The following CPE variants were observed in gnomAD, a reference collection of about 807,000 sequenced individuals.
CPE encodes the protein carboxypeptidase E.
In CPE, 17 loss-of-function variants were observed where a neutral mutation model predicts 53.5. The observed-to-expected ratio is 0.32, with a 90% CI of 0.22 to 0.48. The LOEUF (loss-of-function observed/expected upper bound fraction) is 0.48, where lower values mean the gene tolerates loss of function less well. Ranked by LOEUF, CPE falls within the 20% of genes least tolerant of loss-of-function variation. The pLI, the probability that CPE is intolerant of heterozygous loss-of-function variation, is 0.99. For synonymous variants in CPE, 226 were observed against 228.8 expected (o/e 0.99, Z 0.11); for missense variants, 524 against 614.7 (o/e 0.85, Z 1.56).
intron 1 of CPE, among the ~76,000 whole-genome samples, chr4:165,453,161 T>C (rs1018661964): frequency 1.3e-5 from 2 of 151,954 alleles, no homozygotes; most frequent in Non-Finnish European, 1.5e-5. Context: ...GGTTTTACCA[T>C]GTTGGTCAGG....
At chr4:165,467,492 C>T (rs28531383) in intron 2 of CPE, among the ~76,000 whole-genome samples, 196 bp from the exon 3 acceptor site, 112 of 152,090 alleles carry the variant, frequency 7.4e-4, no homozygotes, top group African/African-American at 2.3e-3. Context: ...TGTCATTATG[C>T]GGCCCATCAC....
At chr4:165,432,300 T>TTG (rs1293269408) in intron 1 of CPE, among the ~76,000 whole-genome samples, 5 of 151,966 alleles carry the variant, frequency 3.3e-5, no homozygotes, top group African/African-American at 4.8e-5. Flanking sequence ...AAAATCATTT[T>TTG]TGTGTGTGTG....
chr4:165,487,455 T>C lies in CPE; in HGVS notation c.991T>C (p.Tyr331His). The change falls in exon 6 of 9, where the codon TAC (tyrosine) becomes CAC (histidine). Residue 331 changes from tyrosine (Y) to histidine (H), a missense_variant. Transcript: ENST00000402744. The part of the protein sequence containing the change: ...SVPGGMQDFN[Y>H]LSSNCFEITV... ...TTTGGCAGGGATGCAAGACTTCAAT[T>C]ACCTTAGCAGCAACTGTTTTGAGAT... 3 of 1,614,030 alleles carry C rather than the reference T, an allele frequency of 1.9e-6. No individual in the cohort carries two copies. Among genetic ancestry groups the C allele is most frequent in the Non-Finnish European group, 2.5e-6 (3 of 1,179,974 alleles).
At chr4:165,406,245 A>T (rs1730951958) in intron 1 of CPE, 1 of 652,008 alleles carries the variant, frequency 1.5e-6, no homozygotes, top group African/African-American at 1.8e-5. Context: ...TCTGGTCAGC[A>T]AAGCAAAGGA....
chr4:165,479,591 T>C (rs1732365831), intron 3 of CPE, among the ~76,000 whole-genome samples: 1 of 152,194 alleles, frequency 6.6e-6, no homozygotes, highest in Non-Finnish European at 1.5e-5. Context: ...GTTATGTACT[T>C]AACATAAATA....
At chr4:165,454,842 T>C (rs1579269226) in intron 1 of CPE, among the ~76,000 whole-genome samples, 1 of 152,370 alleles carries the variant, frequency 6.6e-6, no homozygotes, top group Non-Finnish European at 1.5e-5. Context: ...TTTTAGAAAC[T>C]TGAATACCAG....
intron 1 of CPE, among the ~76,000 whole-genome samples, chr4:165,432,489 C>T (rs906503153): frequency 1.3e-5 from 2 of 151,930 alleles, no homozygotes; most frequent in African/African-American, 4.8e-5. Flanking sequence ...GTAGAGATGG[C>T]GTTTCACTAT....
At chr4:165,482,134 T>A in intron 3 of CPE, 108 bp from the exon 4 acceptor site, 1 of 556,554 alleles carries the variant, frequency 1.8e-6, no homozygotes, top group Non-Finnish European at 2.9e-6. Context: ...ATAGTTGAAA[T>A]ATGACCAGCT....
chr4:165,410,301 C>A (rs1161870658), intron 1 of CPE, among the ~76,000 whole-genome samples: 1 of 149,558 alleles, frequency 6.7e-6, no homozygotes, highest in Non-Finnish European at 1.5e-5. Flanking sequence ...ATGTGAACAA[C>A]TTCAATTTAT....
intron 6 of CPE, among the ~76,000 whole-genome samples, chr4:165,491,356 T>G (rs761645410): frequency 1.3e-5 from 2 of 152,216 alleles, no homozygotes; most frequent in Non-Finnish European, 2.9e-5. Context: ...AGGAATAAAG[T>G]ACTTGGGTAA....
At chr4:165,432,555 C>G (rs1021529869) in intron 1 of CPE, among the ~76,000 whole-genome samples, 2 of 152,152 alleles carry the variant, frequency 1.3e-5, no homozygotes, top group African/African-American at 4.8e-5. Flanking sequence ...CTTGGCCTCC[C>G]AAAGTGCTGG....
At chr4:165,432,329 T>C (rs1731426516) in intron 1 of CPE, among the ~76,000 whole-genome samples, 1 of 152,192 alleles carries the variant, frequency 6.6e-6, no homozygotes, top group African/African-American at 2.4e-5. Context: ...AGGGTCTTGC[T>C]CTGTTGCCCA....
chr4:165,391,428 T>C (rs1332207461), intron 1 of CPE, among the ~76,000 whole-genome samples: 2 of 152,100 alleles, frequency 1.3e-5, no homozygotes, highest in Non-Finnish European at 2.9e-5. Flanking sequence ...TCATTTTCCA[T>C]AATATTCTCA....
chr4:165,497,441 T>G (rs1192760640), intron 8 of CPE, 71 bp from the exon 9 acceptor site: 1 of 855,146 alleles, frequency 1.2e-6, no homozygotes, highest in Non-Finnish European at 1.7e-6. Flanking sequence ...GAAACTGCTC[T>G]TATTTTTTTA....
chr4:165,399,042 CTTATA>C (rs1730822592), intron 1 of CPE, among the ~76,000 whole-genome samples: 1 of 152,128 alleles, frequency 6.6e-6, no homozygotes, highest in Non-Finnish European at 1.5e-5. Flanking sequence ...GTGGTACTTA[CTTATA>C]TTATAAAAAT....
At chr4:165,459,114 G>C (rs1579271171) in intron 1 of CPE, among the ~76,000 whole-genome samples, 1 of 152,232 alleles carries the variant, frequency 6.6e-6, no homozygotes, top group East Asian at 1.9e-4. Flanking sequence ...TATTTTTGAG[G>C]CAAGAGACTT....
intron 3 of CPE, among the ~76,000 whole-genome samples, chr4:165,470,941 C>A (rs1169278232): frequency 6.6e-6 from 1 of 152,014 alleles, no homozygotes; most frequent in Non-Finnish European, 1.5e-5. Context: ...TCTGTCATGT[C>A]TTGTTGATGG....
intron 1 of CPE, among the ~76,000 whole-genome samples, chr4:165,461,179 A>AG (rs1731994918): frequency 1.6e-5 from 2 of 126,508 alleles, no homozygotes; most frequent in African/African-American, 3.2e-5. Flanking sequence ...AAAAAAAAAA[A>AG]AAAAAAAAGA....
At position 165,496,230 on chromosome 4, in the gene CPE, C is replaced by T. The variant is rs148971408; in HGVS notation, c.1332+553C>T. On this transcript the variant is annotated intron_variant, in intron 8 of 8. Coordinates refer to ENST00000402744, the MANE Select transcript of CPE (RefSeq NM_001873.4). Reference sequence around the variant, plus strand: ...TACCTTTGTATTATATGCCTGGGACCGTGGGAATACCTGTAGGATTTCTTG... The same window carrying T: ...TACCTTTGTATTATATGCCTGGGACTGTGGGAATACCTGTAGGATTTCTTG... Among the ~76,000 whole-genome samples the T allele has an allele frequency of 6.1e-4, 93 of 152,084 alleles. 1 individual carries two copies. Among genetic ancestry groups the T allele is most frequent in the African/African-American group, 2.1e-3 (87 of 41,472 alleles).
Sources: gnomAD v4.1 joint callset for allele counts (sites outside exome capture counted in the v4.1 genomes callset) on GRCh38, gnomAD v4.1.1 for gene constraint, MANE v1.5 for transcripts, NCBI Gene and HGNC (gene_info 2026-07-23, HGNC 2026-07-21) for gene names.